Variants in TENM1 observed in about 807,000 individuals in gnomAD.
TENM1 encodes the protein teneurin-1.
A neutral mutation model predicts 174.8 loss-of-function variants in TENM1; 35 were observed. The ratio of observed to expected loss-of-function variants is 0.20; its 90% CI spans 0.15 to 0.27. The LOEUF (loss-of-function observed/expected upper bound fraction) is 0.27. Ranked by LOEUF, TENM1 falls within the 10% of genes least tolerant of loss-of-function variation. The pLI is 1.00. For synonymous variants in TENM1, 781 were observed against 798.7 expected (o/e 0.98, Z 0.37); for missense variants, 1,633 against 2,130.1 (o/e 0.77, Z 4.59).
intron 23 of TENM1, among the ~76,000 whole-genome samples, chrX:124,441,417 A>G: frequency 8.9e-6 from 1 of 112,566 alleles, no homozygotes; most frequent in Non-Finnish European, 1.9e-5. Context: ...TTTCACATTT[A>G]AGGTAATTGA....
chrX:124,582,088 T>C (rs1461937858), intron 11 of TENM1, among the ~76,000 whole-genome samples: 1 of 111,059 alleles, frequency 9.0e-6, no homozygotes, highest in Non-Finnish European at 1.9e-5. Flanking sequence ...CCCATGTCCA[T>C]GTGTTCTCAT....
intron 3 of TENM1, among the ~76,000 whole-genome samples, chrX:124,878,468 TG>T (rs2057246794): frequency 9.2e-6 from 1 of 108,740 alleles, no homozygotes; most frequent in South Asian, 4.3e-4. Flanking sequence ...GTTATGAGAG[TG>T]GATCTCTCAC....
chrX:125,115,471 A>G, the TENM1 span, among the ~76,000 whole-genome samples: 1 of 111,477 alleles, frequency 9.0e-6, no homozygotes, highest in African/African-American at 3.3e-5. Flanking sequence ...AGAGGACATG[A>G]TGGTATATTT....
At chrX:124,678,647 T>C (rs2052153497) in intron 5 of TENM1, among the ~76,000 whole-genome samples, 1 of 111,476 alleles carries the variant, frequency 9.0e-6, no homozygotes, top group Non-Finnish European at 1.9e-5. Flanking sequence ...CAATTAAATA[T>C]GAACAGTTCC....
chrX:124,778,378 C>T (rs925731359), intron 3 of TENM1, among the ~76,000 whole-genome samples: 7 of 111,762 alleles, frequency 6.3e-5, no homozygotes, highest in African/African-American at 1.3e-4. Flanking sequence ...TTATCCTTTT[C>T]GCTCAGTAAA....
the TENM1 span, among the ~76,000 whole-genome samples, chrX:125,039,688 G>A: frequency 9.0e-6 from 1 of 111,365 alleles, no homozygotes; most frequent in East Asian, 2.8e-4. Context: ...ATGCCTAAAA[G>A]TATAGTGATT....
intron 3 of TENM1, among the ~76,000 whole-genome samples, chrX:124,839,029 A>T (rs909119517): frequency 1.8e-5 from 2 of 111,219 alleles, no homozygotes; most frequent in African/African-American, 6.5e-5. Flanking sequence ...TGTGTGGTTA[A>T]AAAAAAGATA....
At chrX:125,098,788 G>C in the TENM1 span, among the ~76,000 whole-genome samples, 1 of 111,770 alleles carries the variant, frequency 8.9e-6, no homozygotes, top group Non-Finnish European at 1.9e-5. Flanking sequence ...TTCGTGTACA[G>C]GGTAACAGCA....
intron 10 of TENM1, among the ~76,000 whole-genome samples, chrX:124,644,074 TATATA>T (rs1258150655): frequency 5.0e-5 from 5 of 100,601 alleles, no homozygotes; most frequent in Non-Finnish European, 1.0e-4. Flanking sequence ...TATATGTGTA[TATATA>T]ATATAAATGG....
At chrX:124,557,064 A>G (rs1181537308) in intron 14 of TENM1, among the ~76,000 whole-genome samples, 1 of 111,657 alleles carries the variant, frequency 9.0e-6, no homozygotes, top group Non-Finnish European at 1.9e-5. Context: ...TGTTTGGCCT[A>G]AAGGTAACAT....
At chrX:124,987,828 G>A in the TENM1 span, among the ~76,000 whole-genome samples, 2 of 108,089 alleles carry the variant, frequency 1.9e-5, no homozygotes, top group African/African-American at 6.7e-5. Flanking sequence ...CTACTTTAAC[G>A]TTTCACTCCT....
intron 3 of TENM1, among the ~76,000 whole-genome samples, chrX:124,778,813 A>C (rs777770899): frequency 3.6e-5 from 4 of 112,260 alleles, no homozygotes; most frequent in Admixed American, 2.8e-4. Flanking sequence ...AGCCCTTGAA[A>C]TTGTAGAATC....
intron 5 of TENM1, among the ~76,000 whole-genome samples, chrX:124,698,834 C>G (rs1458683353): frequency 9.0e-6 from 1 of 111,445 alleles, no homozygotes; most frequent in Non-Finnish European, 1.9e-5. Flanking sequence ...TTCTGTGAAG[C>G]AAATATTGCT....
intron 11 of TENM1, among the ~76,000 whole-genome samples, chrX:124,582,922 C>T (rs896332625): frequency 8.0e-5 from 9 of 112,337 alleles, no homozygotes; most frequent in African/African-American, 1.6e-4. Context: ...CACGGAGTCT[C>T]GCTGATTGCT....
the TENM1 span, among the ~76,000 whole-genome samples, chrX:125,085,967 T>G: frequency 9.0e-6 from 1 of 111,053 alleles, no homozygotes; most frequent in Non-Finnish European, 1.9e-5. Context: ...TTTCTATTCT[T>G]AAACTTTTAA....
At chrX:125,114,431 G>A in the TENM1 span, among the ~76,000 whole-genome samples, 17 of 109,818 alleles carry the variant, frequency 1.5e-4, 1 homozygote, top group East Asian at 4.6e-3. Flanking sequence ...AAAAACCTTC[G>A]AAAAAATCAA....
At chrX:124,551,305 G>A (rs1386966177) in intron 14 of TENM1, among the ~76,000 whole-genome samples, 8 of 111,360 alleles carry the variant, frequency 7.2e-5, no homozygotes, top group African/African-American at 2.6e-4. Flanking sequence ...CTTATATGAG[G>A]CATCTAAGAT....
At chrX:124,485,389 C>T (rs59057432) in intron 21 of TENM1, among the ~76,000 whole-genome samples, 1 of 111,166 alleles carries the variant, frequency 9.0e-6, no homozygotes, top group South Asian at 3.8e-4. Context: ...CTGGGAAAAA[C>T]TGCTTCAATA....
chrX:124,807,314 A>T (rs2147254438), intron 3 of TENM1, among the ~76,000 whole-genome samples: 1 of 112,201 alleles, frequency 8.9e-6, no homozygotes, highest in South Asian at 3.7e-4. Flanking sequence ...TGATATATGC[A>T]AACTGCTGAA....
Sources: gnomAD v4.1 joint callset for allele counts (sites outside exome capture counted in the v4.1 genomes callset) on GRCh38, gnomAD v4.1.1 for gene constraint, MANE v1.5 for transcripts, NCBI Gene and HGNC (gene_info 2026-07-23, HGNC 2026-07-21) for gene names.